The following DENND5B variants were observed in gnomAD, a reference collection of about 807,000 sequenced individuals.
The protein encoded by DENND5B is DENN domain containing 5B, also known as DENN domain-containing protein 5B.
In DENND5B, 34 loss-of-function variants were observed where a neutral mutation model predicts 140.6. That is an observed-to-expected ratio of 0.24 (90% CI 0.18 to 0.32). The LOEUF is 0.32. Among genes scored for constraint, DENND5B ranks in the 10% least tolerant of loss-of-function variants. The pLI, the probability that DENND5B is intolerant of heterozygous loss-of-function variation, is 1.00. For missense variants in DENND5B, 1,142 were observed against 1,560.2 expected, an observed-to-expected ratio of 0.73 and a Z score of 4.52; for synonymous variants, 551 against 562.1, an observed-to-expected ratio of 0.98 and a Z score of 0.28.
chr12:31,453,862 C>T (rs912436722), intron 4 of DENND5B, among the ~76,000 whole-genome samples: 1 of 152,082 alleles, frequency 6.6e-6, no homozygotes, highest in African/African-American at 2.4e-5. Flanking sequence ...CAAAATGAGG[C>T]CTAGCATGGT....
chr12:31,529,717 TAAAA>T (rs1279625509), intron 1 of DENND5B, among the ~76,000 whole-genome samples: 1 of 150,936 alleles, frequency 6.6e-6, no homozygotes, highest in Non-Finnish European at 1.5e-5. Flanking sequence ...AATAAATAAA[TAAAA>T]ATTTAAAAAT....
chr12:31,543,500 G>A (rs1235914556), intron 1 of DENND5B, among the ~76,000 whole-genome samples: 1 of 152,152 alleles, frequency 6.6e-6, no homozygotes, highest in Non-Finnish European at 1.5e-5. Flanking sequence ...GGCTGTTACG[G>A]AAGTTTAAGA....
intron 1 of DENND5B, among the ~76,000 whole-genome samples, chr12:31,548,405 G>GA (rs1487872470): frequency 3.2e-5 from 3 of 94,004 alleles, no homozygotes; most frequent in African/African-American, 1.2e-4. Context: ...AAAAAAAGAA[G>GA]AAGAAAAAAA....
intron 1 of DENND5B, among the ~76,000 whole-genome samples, chr12:31,562,964 A>G (rs1855592226): frequency 6.6e-6 from 1 of 151,278 alleles, no homozygotes; most frequent in Admixed American, 6.6e-5. Flanking sequence ...ATACTTACGT[A>G]GATAAGGCTT....
At chr12:31,523,563 C>A (rs1947980537) in intron 1 of DENND5B, among the ~76,000 whole-genome samples, 1 of 151,744 alleles carries the variant, frequency 6.6e-6, no homozygotes, top group Non-Finnish European at 1.5e-5. Context: ...TTATTAGCAT[C>A]TTATTAATCT....
chr12:31,424,363 C>G (rs1489706092), intron 10 of DENND5B, among the ~76,000 whole-genome samples, 172 bp downstream of exon 10: 1 of 152,124 alleles, frequency 6.6e-6, no homozygotes, highest in Non-Finnish European at 1.5e-5. Flanking sequence ...CAAACCACCT[C>G]CTGCTCATGG....
chr12:31,507,837 G>C (rs1041775858), intron 1 of DENND5B, among the ~76,000 whole-genome samples: 1 of 152,274 alleles, frequency 6.6e-6, no homozygotes, highest in African/African-American at 2.4e-5. Flanking sequence ...TGCTGGTCTA[G>C]TAGCCTAGTG....
At chr12:31,555,572 C>T (rs1407487290) in intron 1 of DENND5B, among the ~76,000 whole-genome samples, 1 of 152,208 alleles carries the variant, frequency 6.6e-6, no homozygotes, top group African/African-American at 2.4e-5. Context: ...CCACTACTCT[C>T]TTCAAAGCTG....
At chr12:31,500,365 G>T (rs188936350) in intron 1 of DENND5B, 24 of 454,088 alleles carry the variant, frequency 5.3e-5, no homozygotes, top group Non-Finnish European at 9.7e-5. Context: ...ATGACAGTAA[G>T]ACTAAATGAC....
intron 1 of DENND5B, among the ~76,000 whole-genome samples, chr12:31,540,003 TAGA>T (rs1248142245): frequency 7.2e-5 from 11 of 152,002 alleles, no homozygotes; most frequent in Non-Finnish European, 1.5e-4. Context: ...AAAAAACTAT[TAGA>T]ACTCATACAA....
chr12:31,454,065 T>G lies in DENND5B; in HGVS notation c.1093-1589A>C, dbSNP rs1944659708. Among the ~76,000 whole-genome samples the G allele has an allele frequency of 2.0e-5, 3 of 149,258 alleles. No homozygotes were observed. The Admixed American group carries it at 2.0e-4, about 10-fold the overall frequency. The stretch of plus-strand genomic sequence containing the variant: ...GCTAAGGCAGGATAATCACTTGACC[T>G]CAGGAGGCAGAGGTTGCAGTGAGCT... On this transcript the variant is annotated intron_variant, in intron 4 of 20. Transcript: ENST00000389082.
intron 12 of DENND5B, among the ~76,000 whole-genome samples, chr12:31,414,876 C>T (rs1565556242): frequency 6.7e-6 from 1 of 148,684 alleles, no homozygotes; most frequent in Non-Finnish European, 1.5e-5. Context: ...GAGCTGAGAT[C>T]ACGACACTGC....
Position 31,396,053 on chromosome 12 carries a change from C to CCTGTTTTT in DENND5B, c.3256+2121_3256+2122insAAAAACAG, listed in dbSNP as rs1399702795. On this transcript the variant is annotated intron_variant, in intron 17 of 20. Coordinates refer to ENST00000389082, the MANE Select transcript of DENND5B (RefSeq NM_144973.4). Reference sequence around the variant, plus strand: ...TAGCTTCTGGTGGCTGTTGGCATTCCTTGTTTTTTTTTTTTTTTTTTTTTT... The same window carrying CCTGTTTTT: ...TAGCTTCTGGTGGCTGTTGGCATTCCCTGTTTTTTTGTTTTTTTTTTTTTTTTTTTTTT... Among the ~76,000 whole-genome samples, 37 of 102,850 alleles carry CCTGTTTTT rather than the reference C, an allele frequency of 3.6e-4. 5 individuals carry two copies. The highest frequency in any genetic ancestry group is 6.4e-4 in the Admixed American group (5 of 7,804). The allele number at this position is 102,850 out of a possible 152,430, so 67.5% of individuals were successfully genotyped here.
At chr12:31,487,686 A>G (rs1378206035) in intron 2 of DENND5B, among the ~76,000 whole-genome samples, 1 of 152,208 alleles carries the variant, frequency 6.6e-6, no homozygotes, top group African/African-American at 2.4e-5. Flanking sequence ...TAGAAGACAG[A>G]GTGAGACTGT....
chr12:31,392,537 C>A, intron 18 of DENND5B, 77 bp downstream of exon 18: 1 of 1,519,888 alleles, frequency 6.6e-7, no homozygotes, highest in Middle Eastern at 1.8e-4. Context: ...ATTCAAGCAC[C>A]CCATATTGCC....
chr12:31,389,868 C>A (rs1941033754), intron 19 of DENND5B, among the ~76,000 whole-genome samples: 1 of 152,034 alleles, frequency 6.6e-6, no homozygotes, highest in Non-Finnish European at 1.5e-5. Flanking sequence ...ACCCCATGTT[C>A]TAGTTACAGA....
intron 14 of DENND5B, among the ~76,000 whole-genome samples, chr12:31,407,191 C>T (rs1008432426): frequency 1.6e-4 from 24 of 148,438 alleles, no homozygotes; most frequent in African/African-American, 4.0e-4. Flanking sequence ...AGTGCAGTGG[C>T]GCAATCTCGG....
In DENND5B at chr12:31,579,750, G is replaced by A. The variant is rs1004042065; in HGVS notation, c.127+10956C>T. ...GGAAGGGGAGGGGAGGGGAGGGAAG[G>A]GAGAGAGGGAGGAAGGGAGGAAGGA... On this transcript the variant is annotated intron_variant, in intron 1 of 20. Transcript: ENST00000389082. Among the ~76,000 whole-genome samples the A allele has an allele frequency of 8.3e-5, 12 of 145,418 alleles. 1 individual carries two copies. The South Asian group carries it at 2.5e-3, about 30-fold the overall frequency.
chr12:31,579,015 T>C (rs1950117543), intron 1 of DENND5B, among the ~76,000 whole-genome samples: 1 of 152,246 alleles, frequency 6.6e-6, no homozygotes, highest in South Asian at 2.1e-4. Flanking sequence ...CTTCCTGGGA[T>C]TACTTCTGAC....
Sources: gnomAD v4.1 joint callset for allele counts (sites outside exome capture counted in the v4.1 genomes callset) on GRCh38, gnomAD v4.1.1 for gene constraint, MANE v1.5 for transcripts, NCBI Gene and HGNC (gene_info 2026-07-23, HGNC 2026-07-21) for gene names.